Variants in AGBL4 observed in about 807,000 individuals in gnomAD.
The protein encoded by AGBL4 is cytosolic carboxypeptidase 6.
AGBL4 carries 58 observed loss-of-function variants against 66.4 expected under a neutral mutation model. The ratio of observed to expected loss-of-function variants is 0.87; its 90% CI spans 0.71 to 1.09. The LOEUF (loss-of-function observed/expected upper bound fraction) is 1.09, where lower values mean the gene tolerates loss of function less well. Ranked by LOEUF, AGBL4 falls within the 50% of genes least tolerant of loss-of-function variation. AGBL4 has a pLI of 0.00. For synonymous variants in AGBL4, 234 were observed against 222.9 expected (o/e 1.05, Z -0.44); for missense variants, 579 against 631.0 (o/e 0.92, Z 0.88).
intron 2 of AGBL4, among the ~76,000 whole-genome samples, chr1:49,708,218 C>T (rs536370802): frequency 6.6e-6 from 1 of 152,196 alleles, no homozygotes; most frequent in South Asian, 2.1e-4. Context: ...TTGTTTCACA[C>T]AGTCCCATAT....
intron 1 of AGBL4, among the ~76,000 whole-genome samples, chr1:49,877,364 T>A (rs887704880): frequency 2.0e-5 from 3 of 152,178 alleles, no homozygotes; most frequent in South Asian, 2.1e-4. Flanking sequence ...AGTTTTTAGC[T>A]TGAAGGGTTG....
intron 3 of AGBL4, among the ~76,000 whole-genome samples, chr1:49,487,458 C>T (rs1647092691): frequency 6.6e-6 from 1 of 151,914 alleles, no homozygotes; most frequent in Admixed American, 6.6e-5. Flanking sequence ...GGGCAGTTTC[C>T]CCCATGCTGT....
intron 6 of AGBL4, among the ~76,000 whole-genome samples, chr1:48,799,649 T>C (rs1032752662): frequency 6.6e-6 from 1 of 152,188 alleles, no homozygotes; most frequent in Non-Finnish European, 1.5e-5. Context: ...AGATAGCTTT[T>C]ATTATGTTGA....
intron 3 of AGBL4, among the ~76,000 whole-genome samples, chr1:49,494,784 A>G (rs796312710): frequency 6.6e-6 from 1 of 152,118 alleles, no homozygotes; most frequent in Admixed American, 6.5e-5. Flanking sequence ...CTTTGGGTAT[A>G]TACCCAGTAA....
intron 5 of AGBL4, among the ~76,000 whole-genome samples, chr1:48,993,951 T>C (rs28433099): frequency 6.6e-6 from 1 of 152,240 alleles, no homozygotes; most frequent in East Asian, 1.9e-4. Flanking sequence ...AACCAGGTAC[T>C]GTGATTGCTC....
intron 3 of AGBL4, among the ~76,000 whole-genome samples, chr1:49,598,008 T>G (rs1269434098): frequency 1.3e-5 from 2 of 152,224 alleles, no homozygotes; most frequent in African/African-American, 4.8e-5. Context: ...TATGCTTTAT[T>G]TCTTTCTCTT....
intron 7 of AGBL4, among the ~76,000 whole-genome samples, chr1:48,659,703 C>T (rs973187927): frequency 1.3e-5 from 2 of 152,176 alleles, no homozygotes; most frequent in Admixed American, 6.5e-5. Context: ...AGCTGGGGCC[C>T]ACAGTCTGGG....
intron 1 of AGBL4, among the ~76,000 whole-genome samples, chr1:49,991,226 TTAA>T (rs1476865083): frequency 2.0e-5 from 3 of 152,154 alleles, no homozygotes; most frequent in African/African-American, 7.2e-5. Flanking sequence ...TCATCAATTA[TTAA>T]TGTTTTGAGT....
At chr1:49,874,543 A>G (rs900479608) in intron 1 of AGBL4, among the ~76,000 whole-genome samples, 2 of 152,168 alleles carry the variant, frequency 1.3e-5, no homozygotes, top group Non-Finnish European at 2.9e-5. Flanking sequence ...TCTACTTATT[A>G]TATGTAAAAT....
chr1:49,529,825 G>T (rs1292518541), intron 3 of AGBL4, among the ~76,000 whole-genome samples: 1 of 152,060 alleles, frequency 6.6e-6, no homozygotes, highest in Non-Finnish European at 1.5e-5. Flanking sequence ...TTAAGGGCTA[G>T]AGATAAATGT....
At chr1:49,225,640 G>C (rs1004313198) in intron 4 of AGBL4, among the ~76,000 whole-genome samples, 1 of 152,164 alleles carries the variant, frequency 6.6e-6, no homozygotes, top group South Asian at 2.1e-4. Flanking sequence ...ACATTGGCAC[G>C]GCTCACAGAA....
chr1:49,826,123 A>C (rs554878144), intron 2 of AGBL4, among the ~76,000 whole-genome samples: 1 of 152,270 alleles, frequency 6.6e-6, no homozygotes, highest in South Asian at 2.1e-4. Flanking sequence ...TAAGCTTAAA[A>C]AGTTGTTTTT....
At chr1:49,817,438 A>T (rs962779239) in intron 2 of AGBL4, among the ~76,000 whole-genome samples, 1 of 152,196 alleles carries the variant, frequency 6.6e-6, no homozygotes, top group Non-Finnish European at 1.5e-5. Context: ...TTATGGGATA[A>T]AATTTTCCTT....
Position 49,188,734 on chromosome 1 carries a change from C to T in AGBL4, c.377+57036G>A, listed in dbSNP as rs373214928. On this transcript the variant is annotated intron_variant, in intron 4 of 13. Transcript: ENST00000371839. The stretch of plus-strand genomic sequence containing the variant: ...GACAATTGAATTCAGAATCAAAATA[C>T]TGATTCCCACTCCCCAGATTTACTA... Among the ~76,000 whole-genome samples, 14 of 152,270 alleles carry T rather than the reference C, an allele frequency of 9.2e-5. No individual in the cohort carries two copies. In the South Asian group the frequency reaches 2.1e-3, roughly 23 times the overall value.
chr1:49,473,692 C>T (rs1334745790), intron 3 of AGBL4, among the ~76,000 whole-genome samples: 3 of 151,986 alleles, frequency 2.0e-5, no homozygotes, highest in African/African-American at 7.2e-5. Context: ...AGGATTTAGT[C>T]ATATTCTTTG....
chr1:49,929,622 C>T (rs1379828580), intron 1 of AGBL4, among the ~76,000 whole-genome samples: 1 of 151,478 alleles, frequency 6.6e-6, no homozygotes, highest in Non-Finnish European at 1.5e-5. Context: ...AATTGATCAC[C>T]AGCAGTCCTT....
intron 1 of AGBL4, among the ~76,000 whole-genome samples, chr1:49,989,625 A>T (rs962520902): frequency 2.6e-5 from 4 of 152,186 alleles, no homozygotes; most frequent in African/African-American, 9.7e-5. Flanking sequence ...TCCTCTATTT[A>T]GACTATTTAA....
At chr1:49,068,036 C>T (rs569388136) in intron 4 of AGBL4, among the ~76,000 whole-genome samples, 27 of 151,980 alleles carry the variant, frequency 1.8e-4, no homozygotes, top group African/African-American at 5.5e-4. Flanking sequence ...TCAGTACCTA[C>T]ACGTTCCTGG....
intron 2 of AGBL4, among the ~76,000 whole-genome samples, chr1:49,736,168 G>A (rs1649876533): frequency 6.6e-6 from 1 of 151,796 alleles, no homozygotes; most frequent in South Asian, 2.1e-4. Flanking sequence ...GAAAACATTA[G>A]TATACACATC....
Sources: gnomAD v4.1 joint callset for allele counts (sites outside exome capture counted in the v4.1 genomes callset) on GRCh38, gnomAD v4.1.1 for gene constraint, MANE v1.5 for transcripts, NCBI Gene and HGNC (gene_info 2026-07-23, HGNC 2026-07-21) for gene names.